MAP2K1: variants seen among roughly 807,000 people sequenced by gnomAD.
The protein encoded by MAP2K1 is dual specificity mitogen-activated protein kinase kinase 1.
In MAP2K1, 16 loss-of-function variants were observed where a neutral mutation model predicts 46.3. That is an observed-to-expected ratio of 0.35 (90% CI 0.23 to 0.52). The LOEUF (loss-of-function observed/expected upper bound fraction) is 0.52, where lower values mean the gene tolerates loss of function less well. Among genes scored for constraint, MAP2K1 ranks in the 20% least tolerant of loss-of-function variants. The pLI is 0.94. For synonymous variants in MAP2K1, 183 were observed against 185.6 expected (o/e 0.99, Z 0.11); for missense variants, 263 against 497.1 (o/e 0.53, Z 4.48).
intron 5 of MAP2K1, among the ~76,000 whole-genome samples, chr15:66,476,348 G>T (rs1892754821): frequency 6.6e-6 from 1 of 152,236 alleles, no homozygotes; most frequent in Non-Finnish European, 1.5e-5. Flanking sequence ...CTGGGCCTGT[G>T]ATTTGAATGT....
At chr15:66,489,129 C>A in intron 8 of MAP2K1, 86 bp from the exon 9 acceptor site, 1 of 1,022,392 alleles carries the variant, frequency 9.8e-7, no homozygotes, top group Non-Finnish European at 1.5e-6. Context: ...AAAAGTAGCA[C>A]TGGCTGGTGG....
chr15:66,463,368 G>C (rs935372144), intron 5 of MAP2K1, among the ~76,000 whole-genome samples: 2 of 152,238 alleles, frequency 1.3e-5, no homozygotes, highest in African/African-American at 4.8e-5. Context: ...CCAAATATCT[G>C]AGACTACTCT....
chr15:66,393,852 C>T (rs1192306532), intron 1 of MAP2K1, among the ~76,000 whole-genome samples: 1 of 152,166 alleles, frequency 6.6e-6, no homozygotes, highest in Non-Finnish European at 1.5e-5. Flanking sequence ...CTTCCTTCAC[C>T]CCTCTGTTGA....
intron 5 of MAP2K1, among the ~76,000 whole-genome samples, chr15:66,460,176 GA>G (rs1054537035): frequency 2.0e-5 from 3 of 152,262 alleles, no homozygotes; most frequent in African/African-American, 7.2e-5. Context: ...AAGATGGAGG[GA>G]GACAGAGTGG....
intron 3 of MAP2K1, among the ~76,000 whole-genome samples, chr15:66,441,346 C>T (rs902021274): frequency 2.0e-5 from 3 of 152,156 alleles, no homozygotes; most frequent in Admixed American, 1.3e-4. Flanking sequence ...CTGGGCTGCC[C>T]CCTGTCCTAG....
chr15:66,419,009 C>G (rs1365393338), intron 1 of MAP2K1, among the ~76,000 whole-genome samples: 5 of 144,766 alleles, frequency 3.5e-5, no homozygotes, highest in African/African-American at 1.3e-4. Flanking sequence ...CTTTGTTGCC[C>G]AGGCTGGAGT....
intron 1 of MAP2K1, among the ~76,000 whole-genome samples, chr15:66,391,248 A>G (rs1266301637): frequency 2.0e-5 from 3 of 152,092 alleles, no homozygotes; most frequent in Non-Finnish European, 4.4e-5. Context: ...GGGTGTTCTT[A>G]ATATTTATCT....
chr15:66,407,710 C>T (rs900310466), intron 1 of MAP2K1, among the ~76,000 whole-genome samples: 3 of 152,222 alleles, frequency 2.0e-5, no homozygotes, highest in African/African-American at 7.2e-5. Flanking sequence ...CTAGATATGG[C>T]TCATGCCTGT....
chr15:66,474,974 A>C (rs1892723128), intron 5 of MAP2K1, among the ~76,000 whole-genome samples: 1 of 151,438 alleles, frequency 6.6e-6, no homozygotes, highest in Admixed American at 6.6e-5. Flanking sequence ...CTGTTGTAGG[A>C]TCTTCTTAGG....
intron 8 of MAP2K1, among the ~76,000 whole-genome samples, chr15:66,487,881 C>T (rs553381284): frequency 1.3e-5 from 2 of 152,242 alleles, no homozygotes; most frequent in South Asian, 4.1e-4. Context: ...AGGTTAGATA[C>T]GCCATTGCGT....
chr15:66,470,330 A>T (rs1456804953), intron 5 of MAP2K1, among the ~76,000 whole-genome samples: 1 of 152,128 alleles, frequency 6.6e-6, no homozygotes, highest in Non-Finnish European at 1.5e-5. Context: ...CTGGTTGTTA[A>T]TCATAACTGT....
At chr15:66,403,178 C>T (rs1372738998) in intron 1 of MAP2K1, among the ~76,000 whole-genome samples, 1 of 152,192 alleles carries the variant, frequency 6.6e-6, no homozygotes, top group East Asian at 1.9e-4. Flanking sequence ...GTACATATTA[C>T]ATACAGTACA....
intron 5 of MAP2K1, among the ~76,000 whole-genome samples, chr15:66,447,941 A>G (rs1713168232): frequency 6.6e-6 from 1 of 152,082 alleles, no homozygotes; most frequent in African/African-American, 2.4e-5. Flanking sequence ...ACCTGAGGTC[A>G]GGAGTTCGAG....
At chr15:66,407,059 G>A (rs2093399158) in intron 1 of MAP2K1, among the ~76,000 whole-genome samples, 1 of 152,128 alleles carries the variant, frequency 6.6e-6, no homozygotes, top group African/African-American at 2.4e-5. Flanking sequence ...CAGGAGCTCT[G>A]ACACAGGGTT....
At chr15:66,408,960 C>A (rs968076829) in intron 1 of MAP2K1, among the ~76,000 whole-genome samples, 3 of 152,168 alleles carry the variant, frequency 2.0e-5, no homozygotes, top group South Asian at 2.1e-4. Flanking sequence ...ATACTCCTCT[C>A]CAAAGGGCAA....
Position 66,484,971 on chromosome 15 carries a change from C to T in MAP2K1, c.694-19C>T, listed in dbSNP as rs1300040189. 4 of 1,606,462 alleles carry T rather than the reference C, an allele frequency of 2.5e-6. No homozygotes were observed. The highest frequency in any genetic ancestry group is 3.4e-6 in the Non-Finnish European group (4 of 1,174,682). On this transcript the variant is annotated intron_variant, in intron 6 of 10. Transcript: ENST00000307102. ...TCCAAGTTAGGTTAGGTGATTATCA[C>T]TGTCTGTCTCTCCTGCAGCCAGAAA...
chr15:66,458,284 A>G (rs1308474295), intron 5 of MAP2K1, among the ~76,000 whole-genome samples: 1 of 152,182 alleles, frequency 6.6e-6, no homozygotes, highest in Non-Finnish European at 1.5e-5. Flanking sequence ...TCAAGGCCTT[A>G]TTTTGACTAA....
chr15:66,459,205 T>C (rs2053004), intron 5 of MAP2K1, among the ~76,000 whole-genome samples: 149,681 of 151,678 alleles, frequency 0.99, 73,880 homozygotes, highest in South Asian at 1. Context: ...CCCAGCTACT[T>C]GGGAGGCTGA....
chr15:66,475,825 CCT>C (rs1243371407), intron 5 of MAP2K1, among the ~76,000 whole-genome samples: 1 of 152,144 alleles, frequency 6.6e-6, no homozygotes, highest in Non-Finnish European at 1.5e-5. Context: ...TTCTGTCTCC[CCT>C]GATGGTGACA....
Sources: allele counts gnomAD v4.1 joint callset (sites outside exome capture counted in the v4.1 genomes callset), GRCh38; gene constraint gnomAD v4.1.1; transcripts MANE v1.5; gene names NCBI Gene and HGNC (gene_info 2026-07-23, HGNC 2026-07-21).